The following STXBP5 variants were observed in gnomAD, a reference collection of about 807,000 sequenced individuals.
STXBP5 encodes the protein syntaxin-binding protein 5.
Under a neutral mutation model 152.4 loss-of-function variants are expected in STXBP5, and 50 were observed. The observed-to-expected ratio is 0.33, with a 90% CI of 0.26 to 0.42. The LOEUF (loss-of-function observed/expected upper bound fraction) is 0.42, where lower values mean the gene tolerates loss of function less well. Among genes scored for constraint, STXBP5 ranks in the 10% least tolerant of loss-of-function variants. The pLI, the probability that STXBP5 is intolerant of heterozygous loss-of-function variation, is 1.00. For missense variants in STXBP5, 1,167 were observed against 1,388.6 expected (o/e 0.84, Z 2.54); for synonymous variants, 492 against 494.7 (o/e 0.99, Z 0.07).
At position 147,204,674 on chromosome 6, in the gene STXBP5, C is replaced by A; in HGVS notation, c.142C>A (p.Leu48Ile). Residue 48 changes from leucine (L) to isoleucine (I), a missense_variant, in exon 1 of 28, where the codon CTC (leucine) becomes ATC (isoleucine). Physicochemically the swap from Leu to Ile is conservative, Grantham distance 5. Coordinates refer to ENST00000321680, the MANE Select transcript of STXBP5 (RefSeq NM_001127715.4). This position sits in a 1 kb window ranked among gnomAD's most constrained non-coding sequence, Gnocchi z 4.3. ...AACGCTCCAGTCCGAGCACTTTCAG[C>A]TCTGCAAGGTGAACGGAGCGCGCAG... ...QETLQSEHFQ[L>I]CKTVRHGFPY... The A allele has an allele frequency of 6.3e-7, 1 of 1,596,704 alleles. No individual in the cohort carries two copies. The highest frequency in any genetic ancestry group is 8.5e-7 in the Non-Finnish European group (1 of 1,170,780).
chr6:147,265,603 A>G (rs970239624), intron 6 of STXBP5, among the ~76,000 whole-genome samples: 1 of 152,040 alleles, frequency 6.6e-6, no homozygotes, highest in Non-Finnish European at 1.5e-5. Flanking sequence ...ATGAAAGGGG[A>G]GGAGGTTTTA....
chr6:147,344,372 G>A (rs1351915736), intron 21 of STXBP5, among the ~76,000 whole-genome samples: 1 of 152,118 alleles, frequency 6.6e-6, no homozygotes, highest in Non-Finnish European at 1.5e-5. Flanking sequence ...ATAAACCTTT[G>A]TCAACTATTA....
intron 16 of STXBP5, among the ~76,000 whole-genome samples, chr6:147,316,783 G>A (rs953720548): frequency 6.6e-6 from 1 of 151,482 alleles, no homozygotes; most frequent in African/African-American, 2.4e-5. Context: ...AGTCTTTTAA[G>A]ACTCAGTTGT....
intron 9 of STXBP5, among the ~76,000 whole-genome samples, chr6:147,299,199 G>T (rs760518668): frequency 6.6e-6 from 1 of 151,256 alleles, no homozygotes; most frequent in Non-Finnish European, 1.5e-5. Context: ...CAATAGAAAC[G>T]ATCACAAGAA....
chr6:147,267,143 C>G lies in STXBP5; in HGVS notation c.690C>G (p.Ala230=). The G allele has an allele frequency of 6.2e-7, 1 of 1,609,766 alleles. No individual in the cohort carries two copies. The highest frequency in any genetic ancestry group is 8.5e-7 in the Non-Finnish European group (1 of 1,178,416). Residue 230 remains alanine, a synonymous_variant, in exon 7 of 28, where the codon GCC becomes GCG. Coordinates refer to ENST00000321680, the MANE Select transcript of STXBP5 (RefSeq NM_001127715.4). ...TATGGGACCTCAAATCAAAGAAAGC[C>G]GACTACAGATACACATATGATGAGG... ...VVLWDLKSKK[A]DYRYTYDEAI...
chr6:147,380,168 CCACGTACA>C (rs1386868345), intron 26 of STXBP5, among the ~76,000 whole-genome samples: 8 of 99,600 alleles, frequency 8.0e-5, no homozygotes, highest in Non-Finnish European at 1.4e-4. Context: ...TTCAAAATAG[CCACGTACA>C]CACACACACA....
chr6:147,276,692 G>T (rs1780457407), intron 7 of STXBP5, among the ~76,000 whole-genome samples: 1 of 152,064 alleles, frequency 6.6e-6, no homozygotes, highest in Non-Finnish European at 1.5e-5. Flanking sequence ...GCTACTAAGG[G>T]ATTGCTTATT....
At chr6:147,278,803 G>A (rs1300460957) in intron 8 of STXBP5, among the ~76,000 whole-genome samples, 1 of 152,164 alleles carries the variant, frequency 6.6e-6, no homozygotes, top group Non-Finnish European at 1.5e-5. Context: ...AAGCTTCTTG[G>A]AGTTATTTTC....
At position 147,310,126 on chromosome 6, in the gene STXBP5, T is replaced by G. The variant is rs1004859149; in HGVS notation, c.960T>G (p.Thr320=). The change falls in exon 10 of 28, where the codon ACT becomes ACG. Residue 320 remains threonine, a synonymous_variant. Coordinates refer to ENST00000321680, the MANE Select transcript of STXBP5 (RefSeq NM_001127715.4). ...TATCAGGAGGTTTGTCATATGATACTGTAGGAAGAAGACCTTGCTTAACAG... is the reference window on the plus strand; with the variant it reads ...TATCAGGAGGTTTGTCATATGATACGGTAGGAAGAAGACCTTGCTTAACAG... ...IILSGGLSYD[T]VGRRPCLTVM... 1.3e-6 allele frequency: 2 copies of G among 1,595,512 alleles called. No homozygotes were observed. Among genetic ancestry groups the G allele is most frequent in the Non-Finnish European group, 1.7e-6 (2 of 1,174,330 alleles).
chr6:147,206,067 C>A lies in STXBP5; in HGVS notation c.247C>A (p.Leu83Ile). The A allele has an allele frequency of 6.2e-7, 1 of 1,611,730 alleles. No individual in the cohort carries two copies. Among genetic ancestry groups the A allele is most frequent in the Non-Finnish European group, 8.5e-7 (1 of 1,177,922 alleles). The change falls in exon 2 of 28, where the codon CTC becomes ATC. Residue 83 changes from leucine (L) to isoleucine (I), a missense_variant and splice_region_variant. Physicochemically the swap from Leu to Ile is conservative, Grantham distance 5. This residue lies in a region of STXBP5 where 310 missense variants were observed against 346.1 expected (regional missense o/e 0.90). Transcript: ENST00000321680. The part of the protein sequence containing the change: ...AVGTQTGALR[L>I]FGRPGVECYC... ...GGGAACTCAGACTGGTGCTTTAAGG[C>A]TGTATCCTTTCTTTAATTTTATTTT...
At position 147,363,454 on chromosome 6, in the gene STXBP5, G is replaced by A. The variant is rs767552280; in HGVS notation, c.2665G>A (p.Glu889Lys). Residue 889 changes from glutamate to lysine, a missense_variant, in exon 24 of 28, where the codon GAA becomes AAA. Physicochemically the swap from Glu to Lys is moderately conservative, Grantham distance 56. Coordinates refer to ENST00000321680, the MANE Select transcript of STXBP5 (RefSeq NM_001127715.4). ...REHNVPEEKDEKEKLKKRRPV... is the reference protein window; with the variant it reads ...REHNVPEEKDKKEKLKKRRPV... ...GCACAATGTTCCTGAAGAAAAAGAC[G>A]AAAAGGAGAAATTGAAAAAACGGCG... is the stretch of plus-strand genomic sequence containing the variant. 3.1e-6 allele frequency: 5 copies of A among 1,613,928 alleles called. No individual in the cohort carries two copies. The highest frequency in any genetic ancestry group is 1.7e-5 in the Admixed American group (1 of 59,972).
intron 9 of STXBP5, among the ~76,000 whole-genome samples, chr6:147,299,587 T>C (rs1037548895): frequency 2.6e-5 from 4 of 152,026 alleles, no homozygotes; most frequent in Non-Finnish European, 4.4e-5. Context: ...ACTCATTCTA[T>C]GAGGCCAGCA....
chr6:147,363,876 T>A, intron 24 of STXBP5, 125 bp from the exon 25 acceptor site: 1 of 1,356,336 alleles, frequency 7.4e-7, no homozygotes, highest in Non-Finnish European at 1.0e-6. Context: ...CCATTTTTTA[T>A]CTCCCACTCA....
At chr6:147,319,566 C>G (rs1369581428) in intron 16 of STXBP5, among the ~76,000 whole-genome samples, 1 of 152,050 alleles carries the variant, frequency 6.6e-6, no homozygotes, top group African/African-American at 2.4e-5. Context: ...AACAACTAAC[C>G]TCATGTATAA....
chr6:147,285,796 T>C (rs184223305), intron 8 of STXBP5, among the ~76,000 whole-genome samples: 212 of 152,334 alleles, frequency 1.4e-3, no homozygotes, highest in Middle Eastern at 3.4e-3. Context: ...TAATGTCCTT[T>C]AGAATTTGTT....
chr6:147,374,536 GTCAGT>G (rs943388948), intron 26 of STXBP5, among the ~76,000 whole-genome samples: 2 of 152,278 alleles, frequency 1.3e-5, no homozygotes, highest in African/African-American at 4.8e-5. Context: ...GACTGTTCAA[GTCAGT>G]GGGGACTGAT....
intron 9 of STXBP5, among the ~76,000 whole-genome samples, chr6:147,296,672 A>G (rs1378595186): frequency 6.6e-6 from 1 of 152,206 alleles, no homozygotes; most frequent in African/African-American, 2.4e-5. Flanking sequence ...GAAATTCAAA[A>G]TAATGGTTTC....
Position 147,363,410 on chromosome 6 carries a change from C to T in STXBP5, c.2621C>T (p.Ala874Val), listed in dbSNP as rs769358058. ...LDTTGCLIPP[A>V]YEPWREHNVP... is the part of the protein sequence containing the mutation. ...ACCACAGGCTGCTTAATACCACCTGCGTATGAACCCTGGAGAGAGCACAAT... is the reference window on the plus strand; with the variant it reads ...ACCACAGGCTGCTTAATACCACCTGTGTATGAACCCTGGAGAGAGCACAAT... The change falls in exon 24 of 28, where the codon GCG (alanine) becomes GTG (valine). Residue 874 changes from alanine (A) to valine (V), a missense_variant. Ala to Val is a moderately conservative substitution (Grantham distance 64, BLOSUM62 0). Around this residue, in one of 3 missense-constraint regions of STXBP5, gnomAD observed 833 missense variants for 986.3 expected, o/e 0.84. Coordinates refer to ENST00000321680, the MANE Select transcript of STXBP5 (RefSeq NM_001127715.4). 28 of 1,613,896 alleles carry T rather than the reference C, an allele frequency of 1.7e-5. No individual in the cohort carries two copies. The highest frequency in any genetic ancestry group is 4.5e-5 in the East Asian group (2 of 44,882).
chr6:147,293,020 TTACTG>T (rs1781354552), intron 9 of STXBP5: 1 of 152,190 alleles, frequency 6.6e-6, no homozygotes, highest in African/African-American at 2.4e-5. Context: ...ATATTGTACT[TTACTG>T]TACCTTTTCT....
Sources: gnomAD v4.1 joint callset for allele counts (sites outside exome capture counted in the v4.1 genomes callset) on GRCh38, gnomAD v4.1.1 for gene constraint, gnomAD v4.1.1 regional missense constraint, Gnocchi (gnomAD v3.1) non-coding constraint, MANE v1.5 for transcripts, NCBI Gene and HGNC (gene_info 2026-07-23, HGNC 2026-07-21) for gene names.